The following PDE1C variants were observed in gnomAD, a reference collection of about 807,000 sequenced individuals.
PDE1C encodes the protein phosphodiesterase 1C, also known as dual specificity calcium/calmodulin-dependent 3',5'-cyclic nucleotide phosphodiesterase 1C.
In PDE1C, 62 loss-of-function variants were observed where a neutral mutation model predicts 93.1. The observed-to-expected ratio is 0.67, with a 90% confidence interval of 0.54 to 0.82. The LOEUF (loss-of-function observed/expected upper bound fraction) is 0.82. Among genes scored for constraint, PDE1C ranks in the 40% least tolerant of loss-of-function variants. The pLI, the probability that PDE1C is intolerant of heterozygous loss-of-function variation, is 0.00. For synonymous variants in PDE1C, 325 were observed against 310.1 expected, an observed-to-expected ratio of 1.05 and a Z score of -0.50; for missense variants, 742 against 884.6, an observed-to-expected ratio of 0.84 and a Z score of 2.04.
chr7:32,390,556 A>C (rs1784731404), intron 1 of PDE1C, among the ~76,000 whole-genome samples: 1 of 146,126 alleles, frequency 6.8e-6, no homozygotes, highest in South Asian at 2.1e-4. Context: ...AAAAAAAAAA[A>C]AAAAACTTGG....
Position 31,753,497 on chromosome 7 carries a change from CA to C in PDE1C, c.2016del (p.Tyr672Ter). On this transcript the variant is annotated frameshift_variant, in exon 18 of 18. Coordinates refer to ENST00000396191, the MANE Select transcript of PDE1C (RefSeq NM_001191057.4). LOFTEE classifies it high-confidence loss of function. ...TCAGTTTTCTTTGAGACTGAAGGTG[CA>C]TAGGAGCTAGATGCGTAAGCAGGGC... is the stretch of plus-strand genomic sequence containing the variant. ...FKRPAYASSS[Y>X]APSVSKKTDE... is the part of the protein sequence containing the mutation. 1 of 1,612,386 alleles carries C rather than the reference CA, an allele frequency of 6.2e-7. No individual in the cohort carries two copies. The highest frequency in any genetic ancestry group is 8.5e-7 in the Non-Finnish European group (1 of 1,179,618).
intron 2 of PDE1C, among the ~76,000 whole-genome samples, chr7:32,186,394 G>A (rs1044618764): frequency 1.2e-4 from 18 of 152,082 alleles, no homozygotes; most frequent in Non-Finnish European, 1.9e-4. Flanking sequence ...GAGCCACCGC[G>A]CCCGGCCCTA....
intron 1 of PDE1C, among the ~76,000 whole-genome samples, chr7:32,389,185 T>TGTGTGTGTGTGTGTGG (rs1393391191): frequency 1.4e-5 from 2 of 138,862 alleles, no homozygotes; most frequent in African/African-American, 5.5e-5. Flanking sequence ...TGTGTGTGTG[T>TGTGTGTGTGTGTGTGG]GTGTGGTTTT....
chr7:32,300,487 C>G (rs12531858), upstream of PDE1C, among the ~76,000 whole-genome samples: 2 of 152,036 alleles, frequency 1.3e-5, no homozygotes, highest in African/African-American at 4.8e-5. Flanking sequence ...CTGTTACAAC[C>G]TGGAGGCATG....
At chr7:32,284,385 T>C (rs1811868774) in intron 1 of PDE1C, among the ~76,000 whole-genome samples, 1 of 152,164 alleles carries the variant, frequency 6.6e-6, no homozygotes, top group Non-Finnish European at 1.5e-5. Flanking sequence ...CTGAGAATAA[T>C]AATGAGTCAA....
At chr7:32,189,887 G>T (rs751132167) in intron 2 of PDE1C, among the ~76,000 whole-genome samples, 1 of 152,054 alleles carries the variant, frequency 6.6e-6, no homozygotes, top group Non-Finnish European at 1.5e-5. Flanking sequence ...ACTCATTTTT[G>T]AACCCCCACA....
At chr7:31,887,042 T>C (rs901796377) in intron 2 of PDE1C, among the ~76,000 whole-genome samples, 9 of 152,098 alleles carry the variant, frequency 5.9e-5, no homozygotes, top group African/African-American at 2.2e-4. Flanking sequence ...TTTAGAAAGA[T>C]CAATCTAGCA....
chr7:32,182,736 G>A (rs1236044721), intron 2 of PDE1C, among the ~76,000 whole-genome samples: 2 of 152,124 alleles, frequency 1.3e-5, no homozygotes, highest in East Asian at 1.9e-4. Context: ...TTGAAAACTG[G>A]CACAAGACAG....
chr7:31,745,851 GTCTTTTTGGC>G, the PDE1C span, among the ~76,000 whole-genome samples: 1 of 152,170 alleles, frequency 6.6e-6, no homozygotes, highest in South Asian at 2.1e-4. Context: ...TGATATTTAT[GTCTTTTTGGC>G]TTAGAATATT....
intron 3 of PDE1C, among the ~76,000 whole-genome samples, chr7:32,111,388 C>G (rs1376547436): frequency 6.6e-6 from 1 of 152,228 alleles, no homozygotes. Flanking sequence ...TTTAAAGACA[C>G]AAAATTGTGT....
At chr7:32,201,389 A>C (rs1160637114) in intron 2 of PDE1C, among the ~76,000 whole-genome samples, 1 of 152,218 alleles carries the variant, frequency 6.6e-6, no homozygotes, top group African/African-American at 2.4e-5. Context: ...ACATACAAAA[A>C]AAATTCTATT....
At chr7:31,954,188 T>A (rs971811727) in intron 2 of PDE1C, among the ~76,000 whole-genome samples, 1 of 152,130 alleles carries the variant, frequency 6.6e-6, no homozygotes, top group Non-Finnish European at 1.5e-5. Flanking sequence ...CCCTTTGCAT[T>A]GAGGTGAGGG....
chr7:31,656,478 C>G, the PDE1C span: 1 of 981,838 alleles, frequency 1.0e-6, no homozygotes, highest in Non-Finnish European at 1.2e-6. Context: ...GTGCACATAC[C>G]AAGAACTCAA....
chr7:31,761,292 A>G (rs561014420), intron 17 of PDE1C, among the ~76,000 whole-genome samples: 4 of 152,328 alleles, frequency 2.6e-5, no homozygotes, highest in African/African-American at 9.6e-5. Flanking sequence ...TATCTCATTT[A>G]TATTATTAAC....
rs192224512 is a variant in PDE1C at position 32,284,534 on chromosome 7, A to G, written c.85+14117T>C. 1.9e-4 allele frequency among the ~76,000 whole-genome samples: 29 copies of G among 152,356 alleles called. No individual in the cohort carries two copies. The East Asian group carries it at 5.2e-3, about 27-fold the overall frequency. The stretch of plus-strand genomic sequence containing the variant: ...TTGCTTCTTTATTAAGTCTTGACCA[A>G]TGCAAGAGTCTCCTAACTGCCCTCT... On this transcript the variant is annotated intron_variant, in intron 1 of 18. Transcript: ENST00000396193.
chr7:32,371,859 G>A (rs540620471), intron 1 of PDE1C, among the ~76,000 whole-genome samples: 2 of 152,200 alleles, frequency 1.3e-5, no homozygotes, highest in Non-Finnish European at 2.9e-5. Context: ...TAGGGCCAAG[G>A]CAGGGGATTC....
chr7:32,235,789 T>C (rs1296481306), intron 1 of PDE1C, among the ~76,000 whole-genome samples: 1 of 152,050 alleles, frequency 6.6e-6, no homozygotes, highest in African/African-American at 2.4e-5. Flanking sequence ...TTGGTAAATA[T>C]ATGCAAGCTG....
chr7:31,998,011 T>TTTA (rs1554456828), intron 2 of PDE1C, among the ~76,000 whole-genome samples: 2 of 95,454 alleles, frequency 2.1e-5, no homozygotes, highest in Non-Finnish European at 4.7e-5. Context: ...TTATTTTATT[T>TTTA]TTATTTATTT....
chr7:32,047,062 A>AGTGTGTGTGTGTGTGTGTGTGTGT (rs59580872), intron 2 of PDE1C, among the ~76,000 whole-genome samples: 2 of 145,868 alleles, frequency 1.4e-5, no homozygotes, highest in African/African-American at 5.1e-5. Context: ...TGCGAGACAG[A>AGTGTGTGTGTGTGTGTGTGTGTGT]GTGTGTGTGT....
Sources: gnomAD v4.1 joint callset for allele counts (sites outside exome capture counted in the v4.1 genomes callset) on GRCh38, gnomAD v4.1.1 for gene constraint, MANE v1.5 for transcripts, NCBI Gene and HGNC (gene_info 2026-07-23, HGNC 2026-07-21) for gene names.